The following TMEM135 variants were observed in gnomAD, a reference collection of about 807,000 sequenced individuals.
TMEM135 encodes transmembrane protein 135, also known as peroxisomal membrane protein 52.
A neutral mutation model predicts 60.3 loss-of-function variants in TMEM135; 30 were observed. The observed-to-expected ratio is 0.50, with a 90% CI of 0.37 to 0.68. TMEM135 has a LOEUF of 0.68. Among genes scored for constraint, TMEM135 ranks in the 30% least tolerant of loss-of-function variants. The pLI is 0.00. For synonymous variants in TMEM135, 190 were observed against 186.7 expected, an observed-to-expected ratio of 1.02 and a Z score of -0.14; for missense variants, 468 against 548.8, an observed-to-expected ratio of 0.85 and a Z score of 1.47.
chr11:87,191,661 A>G (rs376013374), intron 5 of TMEM135, among the ~76,000 whole-genome samples: 1 of 152,306 alleles, frequency 6.6e-6, no homozygotes, highest in South Asian at 2.1e-4. Context: ...GATGATCATC[A>G]TATATGATTT....
intron 4 of TMEM135, among the ~76,000 whole-genome samples, chr11:87,106,454 A>C (rs1857599846): frequency 1.3e-5 from 2 of 152,044 alleles, no homozygotes; most frequent in Admixed American, 6.6e-5. Context: ...AATTGGATTT[A>C]GTTTGCTAGT....
At chr11:87,214,645 G>A (rs1275151582) in intron 5 of TMEM135, among the ~76,000 whole-genome samples, 1 of 151,706 alleles carries the variant, frequency 6.6e-6, no homozygotes, top group African/African-American at 2.4e-5. Context: ...TACAGTGTTT[G>A]CTTAGTTAAG....
At chr11:87,256,967 T>C (rs1352929021) in intron 6 of TMEM135, among the ~76,000 whole-genome samples, 1 of 152,140 alleles carries the variant, frequency 6.6e-6, no homozygotes, top group Non-Finnish European at 1.5e-5. Context: ...TTTCAGCTTC[T>C]CAAATGAGAT....
chr11:87,266,596 C>T (rs1941752460), intron 6 of TMEM135, among the ~76,000 whole-genome samples: 2 of 152,002 alleles, frequency 1.3e-5, no homozygotes, highest in Admixed American at 1.3e-4. Context: ...ATGCTTATAG[C>T]TTTAACTACT....
intron 3 of TMEM135, among the ~76,000 whole-genome samples, chr11:87,074,407 A>T (rs1372960161): frequency 6.6e-6 from 1 of 152,128 alleles, no homozygotes; most frequent in Non-Finnish European, 1.5e-5. Context: ...TGGTGATGGT[A>T]ACTTCCTAAT....
intron 1 of TMEM135, among the ~76,000 whole-genome samples, chr11:87,059,488 G>A (rs182519544): frequency 4.0e-5 from 6 of 151,800 alleles, no homozygotes; most frequent in African/African-American, 1.4e-4. Context: ...GCTAATTTTT[G>A]TATTTTTAGT....
chr11:87,142,361 C>T (rs1298165636), intron 4 of TMEM135, among the ~76,000 whole-genome samples: 5 of 152,180 alleles, frequency 3.3e-5, no homozygotes, highest in Admixed American at 2.6e-4. Flanking sequence ...TGGAAGCAGC[C>T]TCATGTAGCT....
In TMEM135 at chr11:87,080,536, T is replaced by C. The variant is rs116826418; in HGVS notation, c.362+8921T>C. 3.8e-3 allele frequency among the ~76,000 whole-genome samples: 578 copies of C among 152,330 alleles called. 5 individuals are homozygous for C. Among genetic ancestry groups the C allele is most frequent in the African/African-American group, 0.013 (539 of 41,568 alleles). ...TTGTCTATTTCTCTTTTTAATGCTA[T>C]CAATTTCTGTGAAGGTTTTATTGGT... On this transcript the variant is annotated intron_variant, in intron 3 of 14. Transcript: ENST00000305494.
At chr11:87,063,664 C>G (rs1254661111) in intron 1 of TMEM135, among the ~76,000 whole-genome samples, 1 of 152,156 alleles carries the variant, frequency 6.6e-6, no homozygotes, top group Non-Finnish European at 1.5e-5. Context: ...TCTGGCCTGG[C>G]TAACTAGACT....
At chr11:87,074,907 T>G (rs968847817) in intron 3 of TMEM135, among the ~76,000 whole-genome samples, 6 of 152,186 alleles carry the variant, frequency 3.9e-5, no homozygotes, top group African/African-American at 1.4e-4. Context: ...TCAAGGTTGA[T>G]GTGTGTTGAT....
At chr11:87,240,665 AT>A (rs1941112097) in intron 6 of TMEM135, among the ~76,000 whole-genome samples, 2 of 152,144 alleles carry the variant, frequency 1.3e-5, no homozygotes, top group South Asian at 4.1e-4. Flanking sequence ...ACATTTAAAA[AT>A]ATTAATTCAT....
intron 4 of TMEM135, among the ~76,000 whole-genome samples, chr11:87,144,444 G>A (rs796703549): frequency 2.6e-5 from 4 of 152,332 alleles, no homozygotes; most frequent in African/African-American, 9.6e-5. Context: ...GCATGGTGGT[G>A]TGCCAGTAAT....
intron 5 of TMEM135, among the ~76,000 whole-genome samples, chr11:87,176,611 A>C (rs1180875769): frequency 2.0e-5 from 3 of 152,210 alleles, no homozygotes; most frequent in Admixed American, 1.3e-4. Flanking sequence ...GAGATTGTAC[A>C]AATTTCCATA....
At chr11:87,245,525 C>G (rs1299811059) in intron 6 of TMEM135, among the ~76,000 whole-genome samples, 2 of 143,988 alleles carry the variant, frequency 1.4e-5, no homozygotes, top group East Asian at 2.0e-4. Flanking sequence ...CTTTATGAAT[C>G]TGGGTGCTCC....
chr11:87,047,351 C>T (rs535888519), intron 1 of TMEM135, among the ~76,000 whole-genome samples: 13 of 151,914 alleles, frequency 8.6e-5, no homozygotes, highest in African/African-American at 2.2e-4. Flanking sequence ...GTCTACAGCT[C>T]CCAGCGTGAG....
chr11:87,157,552 A>G, intron 5 of TMEM135, 146 bp downstream of exon 5: 2 of 651,040 alleles, frequency 3.1e-6, no homozygotes, highest in Non-Finnish European at 5.2e-6. Flanking sequence ...CTGATGAACA[A>G]ATCCATTTTA....
chr11:87,241,954 AT>A (rs1941145950), intron 6 of TMEM135, among the ~76,000 whole-genome samples: 1 of 151,958 alleles, frequency 6.6e-6, no homozygotes, highest in South Asian at 2.1e-4. Context: ...TGCTGCACCC[AT>A]TAACTTGTCG....
chr11:87,291,412 C>G (rs1378893459), intron 6 of TMEM135, among the ~76,000 whole-genome samples: 2 of 151,960 alleles, frequency 1.3e-5, no homozygotes, highest in Admixed American at 1.3e-4. Flanking sequence ...TTCTCTCCAC[C>G]TTCTACAACT....
chr11:87,126,158 A>G (rs1937720754), intron 4 of TMEM135, among the ~76,000 whole-genome samples: 3 of 152,128 alleles, frequency 2.0e-5, no homozygotes, highest in Admixed American at 6.5e-5. Flanking sequence ...GGCTTGAGCC[A>G]CTATGCCCGG....
Sources: gnomAD v4.1 joint callset for allele counts (sites outside exome capture counted in the v4.1 genomes callset) on GRCh38, gnomAD v4.1.1 for gene constraint, MANE v1.5 for transcripts, NCBI Gene and HGNC (gene_info 2026-07-23, HGNC 2026-07-21) for gene names.